APAF1: variants seen among roughly 807,000 people sequenced by gnomAD.
The protein encoded by APAF1 is apoptotic peptidase activating factor 1.
In APAF1, 91 loss-of-function variants were observed where a neutral mutation model predicts 152.4. The observed-to-expected ratio is 0.60, with a 90% confidence interval of 0.50 to 0.71. The LOEUF is 0.71. Ranked by LOEUF, APAF1 falls within the 30% of genes least tolerant of loss-of-function variation. The pLI is 0.00. For missense variants in APAF1, 1,283 were observed against 1,472.0 expected, an observed-to-expected ratio of 0.87 and a Z score of 2.10; for synonymous variants, 484 against 494.1, an observed-to-expected ratio of 0.98 and a Z score of 0.27.
intron 22 of APAF1, among the ~76,000 whole-genome samples, chr12:98,718,398 A>G (rs779714415): frequency 6.6e-6 from 1 of 151,862 alleles, no homozygotes. Context: ...ACATGCAGCT[A>G]ATTTTTTTGT....
At chr12:98,663,762 A>C (rs1315702959) in intron 7 of APAF1, among the ~76,000 whole-genome samples, 1 of 146,718 alleles carries the variant, frequency 6.8e-6, no homozygotes, top group African/African-American at 2.5e-5. Flanking sequence ...AGGTTCAAGC[A>C]GTTCTTCTGC....
intron 5 of APAF1, among the ~76,000 whole-genome samples, chr12:98,662,147 CT>C (rs575642787): frequency 0.05 from 5,468 of 110,402 alleles, 231 homozygotes; most frequent in African/African-American, 0.15. Flanking sequence ...GTAATGGTCG[CT>C]TTTTTTTTTT....
intron 15 of APAF1, among the ~76,000 whole-genome samples, chr12:98,683,784 G>T (rs2097694974): frequency 6.6e-6 from 1 of 152,174 alleles, no homozygotes; most frequent in Non-Finnish European, 1.5e-5. Context: ...TAGTTATATG[G>T]AAGTGGGACA....
chr12:98,730,895 T>C (rs1445071541), intron 26 of APAF1, among the ~76,000 whole-genome samples: 1 of 152,184 alleles, frequency 6.6e-6, no homozygotes, highest in Non-Finnish European at 1.5e-5. Context: ...GAAAAAATAA[T>C]TTAGCTGTTT....
At chr12:98,687,187 AC>A (rs2097698881) in intron 16 of APAF1, among the ~76,000 whole-genome samples, 1 of 151,910 alleles carries the variant, frequency 6.6e-6, no homozygotes, top group Admixed American at 6.6e-5. Context: ...AGATGGTGAA[AC>A]CCCGTCTCTA....
rs1263967317 is a variant in APAF1, at chr12:98,732,973, A to G, written c.*407A>G. 1.5e-5 allele frequency: 3 copies of G among 206,558 alleles called. No homozygotes were observed. The highest frequency in any genetic ancestry group is 7.1e-5 in the African/African-American group (3 of 42,010). 12.8% of individuals were successfully genotyped at this position (206,558 alleles called of 1,614,324 possible). On this transcript the variant is annotated 3_prime_UTR_variant, in exon 27 of 27. Transcript: ENST00000551964. The stretch of plus-strand genomic sequence containing the variant: ...CAGGGTAGCAGTGGCCTGCTTTTTG[A>G]ACCACACTTACCCCAAGGGGGTTTT...
intron 4 of APAF1, among the ~76,000 whole-genome samples, chr12:98,656,721 A>AGTTT (rs1373704485): frequency 6.6e-6 from 1 of 152,132 alleles, no homozygotes; most frequent in Non-Finnish European, 1.5e-5. Context: ...CAGTTTCCTG[A>AGTTT]GTTTACTACC....
At chr12:98,659,436 C>A in intron 5 of APAF1, 93 bp downstream of exon 5, 2 of 1,328,768 alleles carry the variant, frequency 1.5e-6, no homozygotes, top group Non-Finnish European at 2.2e-6. Context: ...CTTTTTCCTG[C>A]TGTTCTATAG....
At chr12:98,715,238 A>G (rs1354838592) in intron 21 of APAF1, among the ~76,000 whole-genome samples, 189 bp from the exon 22 acceptor site, 10 of 6,030 alleles carry the variant, frequency 1.7e-3, no homozygotes, top group African/African-American at 3.1e-3. Flanking sequence ...TGGTGTGCAT[A>G]TATATATATA....
chr12:98,667,038 T>C (rs1440812295), intron 9 of APAF1, among the ~76,000 whole-genome samples: 2 of 151,986 alleles, frequency 1.3e-5, no homozygotes, highest in Non-Finnish European at 2.9e-5. Flanking sequence ...ATAATTTGTT[T>C]AAAGTGGTAT....
At chr12:98,725,922 C>T (rs2097749798) in intron 25 of APAF1, among the ~76,000 whole-genome samples, 1 of 152,100 alleles carries the variant, frequency 6.6e-6, no homozygotes, top group African/African-American at 2.4e-5. Flanking sequence ...GCAAATTCTG[C>T]TTTTTCTGTG....
chr12:98,679,389 G>GC (rs1363607369), intron 13 of APAF1, among the ~76,000 whole-genome samples: 1 of 152,108 alleles, frequency 6.6e-6, no homozygotes, highest in Non-Finnish European at 1.5e-5. Context: ...GAAAGGAGCT[G>GC]CCCCCCGCAG....
intron 16 of APAF1, among the ~76,000 whole-genome samples, chr12:98,695,522 G>A (rs1411323432): frequency 6.6e-6 from 1 of 152,200 alleles, no homozygotes. Flanking sequence ...GCACCACCAT[G>A]CCTGGCTAGA....
intron 5 of APAF1, among the ~76,000 whole-genome samples, chr12:98,661,186 C>T (rs149446616): frequency 2.0e-5 from 3 of 152,198 alleles, no homozygotes; most frequent in Non-Finnish European, 2.9e-5. Flanking sequence ...CAGGCGTGAG[C>T]CACTGCGCTC....
chr12:98,691,870 T>C (rs1348194358), intron 16 of APAF1, among the ~76,000 whole-genome samples: 1 of 152,100 alleles, frequency 6.6e-6, no homozygotes, highest in Non-Finnish European at 1.5e-5. Flanking sequence ...CTACCACCTC[T>C]ATCACCGCTC....
In APAF1 at chr12:98,733,591, C is replaced by G. The variant is rs776940896; in HGVS notation, c.*1025C>G. Reference sequence around the variant, plus strand: ...GAGACTACAGGCACGAGCCACCACACCCAGCTAATTTTTAAGTTTTCTTGT... The same window carrying G: ...GAGACTACAGGCACGAGCCACCACAGCCAGCTAATTTTTAAGTTTTCTTGT... On this transcript the variant is annotated 3_prime_UTR_variant, in exon 27 of 27. Coordinates refer to ENST00000551964, the MANE Select transcript of APAF1 (RefSeq NM_181861.2). 1 of 152,384 alleles carries G rather than the reference C, an allele frequency of 6.6e-6. No individual in the cohort carries two copies. The highest frequency in any genetic ancestry group is 1.5e-5 in the Non-Finnish European group (1 of 68,246). The allele number at this position is 152,384 out of a possible 1,614,324, so 9.4% of individuals were successfully genotyped here. A position where few individuals can be genotyped will look rare whatever the true frequency, so the allele number is the denominator to read the frequency against.
At chr12:98,675,735 A>G (rs1439844449) in intron 12 of APAF1, among the ~76,000 whole-genome samples, 2 of 152,192 alleles carry the variant, frequency 1.3e-5, no homozygotes, top group Non-Finnish European at 2.9e-5. Flanking sequence ...GGATTTTGGT[A>G]TCTGTAGTGG....
At chr12:98,673,949 G>T (rs985990254) in intron 12 of APAF1, among the ~76,000 whole-genome samples, 1 of 152,128 alleles carries the variant, frequency 6.6e-6, no homozygotes, top group Non-Finnish European at 1.5e-5. Flanking sequence ...GTATCTGAGA[G>T]AATTAAAATT....
chr12:98,733,299 ATT>A lies in APAF1; in HGVS notation c.*737_*738del, dbSNP rs2097764879. ...ACAGGTGTGCGCACATGCCAGGCTA[ATT>A]TTTGTATTTTTAGTAGAGACGGGGT... On this transcript the variant is annotated 3_prime_UTR_variant, in exon 27 of 27. Transcript: ENST00000551964. 6.9e-6 allele frequency: 1 copy of A among 144,232 alleles called. No individual in the cohort carries two copies. The highest frequency in any genetic ancestry group is 2.1e-4 in the East Asian group (1 of 4,732). 8.9% of individuals were successfully genotyped at this position (144,232 alleles called of 1,614,324 possible).
Sources: gnomAD v4.1 joint callset for allele counts (sites outside exome capture counted in the v4.1 genomes callset) on GRCh38, gnomAD v4.1.1 for gene constraint, MANE v1.5 for transcripts, NCBI Gene and HGNC (gene_info 2026-07-23, HGNC 2026-07-21) for gene names.